The following OCM2 variants were observed in gnomAD, a reference collection of about 807,000 sequenced individuals.
OCM2 encodes oncomodulin 2, also known as oncomodulin-2.
Under a neutral mutation model 13.6 loss-of-function variants are expected in OCM2, and 6 were observed. The ratio of observed to expected loss-of-function variants is 0.44; its 90% CI spans 0.24 to 0.87. The LOEUF (loss-of-function observed/expected upper bound fraction) is 0.87. Ranked by LOEUF, OCM2 falls within the 40% of genes least tolerant of loss-of-function variation. The pLI is 0.22. For synonymous variants in OCM2, 40 were observed against 50.7 expected, an observed-to-expected ratio of 0.79 and a Z score of 0.90; for missense variants, 118 against 136.8, an observed-to-expected ratio of 0.86 and a Z score of 0.68.
chr7:97,988,373 C>G, intron 2 of OCM2, 43 bp downstream of exon 2: 1 of 1,612,176 alleles, frequency 6.2e-7, no homozygotes, highest in Non-Finnish European at 8.5e-7. Context: ...CCCAGGCCCA[C>G]CCAGCAGTGC....
Position 97,987,681 on chromosome 7 carries a change from T to TTTTA in OCM2, c.195-529_195-526dup, listed in dbSNP as rs573798291. On this transcript the variant is annotated intron_variant, in intron 2 of 3. Transcript: ENST00000257627. The stretch of plus-strand genomic sequence containing the variant: ...TTTTTAAGTTTTTAGTGGTTTTAAT[T>TTTTA]TTTATTTATTTATTTATTTATTTGA... 9.8e-3 allele frequency among the ~76,000 whole-genome samples: 1,414 copies of TTTTA among 144,732 alleles called. 18 individuals are homozygous for TTTTA. Among genetic ancestry groups the TTTTA allele is most frequent in the African/African-American group, 0.028 (1,072 of 37,944 alleles). The allele number at this position is 144,732 out of a possible 152,430, so 94.9% of individuals were successfully genotyped here. A position where few individuals can be genotyped will look rare whatever the true frequency, so the allele number is the denominator to read the frequency against.
intron 1 of OCM2, 24 bp downstream of exon 1, chr7:97,990,020 A>ACCCCCCCC: frequency 1.4e-4 from 91 of 644,536 alleles, no homozygotes; most frequent in Non-Finnish European, 2.3e-4. Flanking sequence ...AGGAAATCCC[A>ACCCCCCCC]CCCCCGCCCC....
At chr7:97,984,793 G>T (rs764601609) in exon 4 of OCM2, 4 of 971,098 alleles carry the variant, frequency 4.1e-6, no homozygotes, top group Non-Finnish European at 6.2e-6. Flanking sequence ...AAAGTCATGA[G>T]TGACTCTCTC....
chr7:97,989,377 T>TCTCATTTA, intron 1 of OCM2, among the ~76,000 whole-genome samples: 1 of 115,688 alleles, frequency 8.6e-6, no homozygotes, highest in East Asian at 2.6e-4. Flanking sequence ...CCAGCCAAGC[T>TCTCATTTA]CTTATTTACT....
chr7:97,987,100 T>C, exon 3 of OCM2: 1 of 1,613,938 alleles, frequency 6.2e-7, no homozygotes, highest in Non-Finnish European at 8.5e-7. Flanking sequence ...CATCAAGGAC[T>C]TGGTTTCTGA....
intron 2 of OCM2, among the ~76,000 whole-genome samples, chr7:97,988,172 C>G (rs1794690658): frequency 1.4e-5 from 2 of 144,846 alleles, no homozygotes; most frequent in Non-Finnish European, 3.0e-5. Flanking sequence ...GCCTGGGTGA[C>G]AGTGAGGCCC....
chr7:97,988,963 A>G (rs1286312331), intron 1 of OCM2, among the ~76,000 whole-genome samples: 1 of 137,054 alleles, frequency 7.3e-6, no homozygotes, highest in East Asian at 2.1e-4. Flanking sequence ...ACAGAGTCTC[A>G]CTCTGTCGCC....
At chr7:97,989,870 G>A (rs1444418790) in intron 1 of OCM2, among the ~76,000 whole-genome samples, 174 bp downstream of exon 1, 2 of 151,946 alleles carry the variant, frequency 1.3e-5, no homozygotes, top group Non-Finnish European at 1.5e-5. Context: ...ATCTTGGCCA[G>A]GCTGGTCTCA....
At position 97,988,685 on chromosome 7, in the gene OCM2, T is replaced by C. The variant is rs528391683; in HGVS notation, c.62-137A>G. 1.4e-5 allele frequency: 17 copies of C among 1,217,492 alleles called. No homozygotes were observed. The South Asian group carries it at 2.0e-4, about 14-fold the overall frequency. 75.4% of individuals were successfully genotyped at this position (1,217,492 alleles called of 1,614,324 possible). A position where few individuals can be genotyped will look rare whatever the true frequency, so the allele number is the denominator to read the frequency against. ...ACGGGGATGCTCAACTGGTCTAAGA[T>C]TTTGGGACAGCCAAGACTTGATGGC... On this transcript the variant is annotated intron_variant, in intron 1 of 3. Coordinates refer to ENST00000257627, the Ensembl canonical transcript of OCM2.
chr7:97,989,975 AT>A, intron 1 of OCM2, 68 bp downstream of exon 1: 1 of 1,551,420 alleles, frequency 6.4e-7, no homozygotes, highest in Non-Finnish European at 8.9e-7. Flanking sequence ...CTACATTTTG[AT>A]TTTGTGTTGC....
chr7:97,986,719 G>T (rs894983317), intron 3 of OCM2, among the ~76,000 whole-genome samples: 5 of 152,046 alleles, frequency 3.3e-5, no homozygotes, highest in African/African-American at 9.7e-5. Flanking sequence ...GAAATACCTC[G>T]CGCTATATGC....
chr7:97,989,087 T>C (rs190802488), intron 1 of OCM2, among the ~76,000 whole-genome samples: 3 of 151,548 alleles, frequency 2.0e-5, no homozygotes, highest in African/African-American at 7.3e-5. Flanking sequence ...TGCACCCCCA[T>C]GCCCAGCTCA....
chr7:97,987,987 T>C (rs1023602167), intron 2 of OCM2, among the ~76,000 whole-genome samples: 1 of 151,314 alleles, frequency 6.6e-6, no homozygotes, highest in Non-Finnish European at 1.5e-5. Flanking sequence ...AAGTCAGGAG[T>C]TTGAGACCAG....
At chr7:97,990,016 T>TGGCGG in intron 1 of OCM2, 28 bp downstream of exon 1, 7 of 1,083,838 alleles carry the variant, frequency 6.5e-6, no homozygotes, top group Non-Finnish European at 9.8e-6. Flanking sequence ...TGTGAGGAAA[T>TGGCGG]CCCACCCCCG....
intron 1 of OCM2, among the ~76,000 whole-genome samples, chr7:97,989,284 G>A (rs1378324414): frequency 6.6e-6 from 1 of 151,998 alleles, no homozygotes; most frequent in East Asian, 1.9e-4. Flanking sequence ...TTACAGAAGT[G>A]TAATCGTGTG....
chr7:97,987,084 C>G, exon 3 of OCM2: 1 of 1,613,676 alleles, frequency 6.2e-7, no homozygotes, highest in Non-Finnish European at 8.5e-7. Flanking sequence ...CATTATCCGC[C>G]GCAGCCATCA....
intron 1 of OCM2, 29 bp downstream of exon 1, chr7:97,990,015 A>AGGC: frequency 1.7e-5 from 13 of 780,796 alleles, no homozygotes; most frequent in South Asian, 2.7e-5. Flanking sequence ...CTGTGAGGAA[A>AGGC]TCCCACCCCC....
At chr7:97,987,016 T>C (rs1562865500) in intron 3 of OCM2, 31 bp downstream of exon 3, 2 of 1,608,704 alleles carry the variant, frequency 1.2e-6, no homozygotes, top group Admixed American at 1.7e-5. Flanking sequence ...TGAGCTAGAG[T>C]GTTTTATGCT....
chr7:97,985,367 C>T (rs1447165095), intron 3 of OCM2, among the ~76,000 whole-genome samples: 9 of 143,866 alleles, frequency 6.3e-5, no homozygotes, highest in African/African-American at 1.5e-4. Context: ...TGCAGTGAGC[C>T]GAAATCATGC....
Sources: allele counts gnomAD v4.1 joint callset (sites outside exome capture counted in the v4.1 genomes callset), GRCh38; gene constraint gnomAD v4.1.1; transcripts MANE v1.5; gene names NCBI Gene and HGNC (gene_info 2026-07-23, HGNC 2026-07-21).